Variants in ARHGAP44 observed in about 807,000 individuals in gnomAD.
The protein encoded by ARHGAP44 is rho GTPase-activating protein 44.
A neutral mutation model predicts 106.8 loss-of-function variants in ARHGAP44; 43 were observed. That is an observed-to-expected ratio of 0.40 (90% CI 0.32 to 0.52). The LOEUF is 0.52. Ranked by LOEUF, ARHGAP44 falls within the 20% of genes least tolerant of loss-of-function variation. The pLI, the probability that ARHGAP44 is intolerant of heterozygous loss-of-function variation, is 0.48. For synonymous variants in ARHGAP44, 439 were observed against 410.3 expected (o/e 1.07, Z -0.85); for missense variants, 866 against 1,050.5 (o/e 0.82, Z 2.43).
At chr17:12,980,357 T>G in intron 19 of ARHGAP44, 124 bp downstream of exon 19, 1 of 1,053,218 alleles carries the variant, frequency 9.5e-7, no homozygotes, top group Non-Finnish European at 1.4e-6. Context: ...CTAATTCCCA[T>G]CTGGACATTA....
At chr17:12,845,506 CAAA>C (rs748288660) in intron 1 of ARHGAP44, among the ~76,000 whole-genome samples, 1 of 67,926 alleles carries the variant, frequency 1.5e-5, no homozygotes. Context: ...GACTCCGTCT[CAAA>C]AAAAAAAAAA....
At chr17:12,879,686 T>C (rs929690269) in intron 1 of ARHGAP44, among the ~76,000 whole-genome samples, 1 of 66,034 alleles carries the variant, frequency 1.5e-5, no homozygotes, top group African/African-American at 4.8e-5. Flanking sequence ...TGTATGTGTA[T>C]ATATATATAT....
chr17:12,816,868 G>GC (rs201648029), intron 1 of ARHGAP44, among the ~76,000 whole-genome samples: 1,916 of 152,226 alleles, frequency 0.013, 18 homozygotes, highest in Admixed American at 0.026. Flanking sequence ...CAGAAAATTA[G>GC]CAAGGACATA....
At chr17:12,790,198 T>G in intron 1 of ARHGAP44, 1 of 374,640 alleles carries the variant, frequency 2.7e-6, no homozygotes, top group East Asian at 5.3e-5. Flanking sequence ...CGGGACTCCC[T>G]TCTCCCTCTG....
At chr17:12,950,512 G>C (rs113576773) in intron 12 of ARHGAP44, among the ~76,000 whole-genome samples, 1 of 152,188 alleles carries the variant, frequency 6.6e-6, no homozygotes, top group Non-Finnish European at 1.5e-5. Context: ...CCCACGCATG[G>C]TTTTTGAGTC....
At chr17:12,843,070 T>G (rs1344391211) in intron 1 of ARHGAP44, among the ~76,000 whole-genome samples, 1 of 151,696 alleles carries the variant, frequency 6.6e-6, no homozygotes, top group Admixed American at 6.5e-5. Flanking sequence ...AGCCCCCACA[T>G]TGTCAGCAAC....
chr17:12,937,723 G>T (rs1048885986), intron 7 of ARHGAP44, among the ~76,000 whole-genome samples: 9 of 149,482 alleles, frequency 6.0e-5, no homozygotes, highest in African/African-American at 2.3e-4. Context: ...AAAAATCAAG[G>T]TGTGATTTTC....
At chr17:12,960,576 AAAG>A (rs1453292220) in intron 16 of ARHGAP44, among the ~76,000 whole-genome samples, 1 of 152,006 alleles carries the variant, frequency 6.6e-6, no homozygotes, top group Non-Finnish European at 1.5e-5. Flanking sequence ...AAAGAAAAAA[AAAG>A]AAAGAGAGTC....
intron 10 of ARHGAP44, among the ~76,000 whole-genome samples, chr17:12,945,291 T>A (rs193144893): frequency 7.9e-5 from 12 of 152,336 alleles, no homozygotes; most frequent in African/African-American, 2.6e-4. Flanking sequence ...ATTACAGGCA[T>A]GAGCCACTGC....
At chr17:12,970,616 G>C (rs1429407917) in intron 16 of ARHGAP44, among the ~76,000 whole-genome samples, 2 of 152,186 alleles carry the variant, frequency 1.3e-5, no homozygotes, top group African/African-American at 2.4e-5. Flanking sequence ...GGAAATCTTT[G>C]CCATCTAGAT....
chr17:12,845,567 G>C (rs1375416493), intron 1 of ARHGAP44, among the ~76,000 whole-genome samples: 1 of 148,934 alleles, frequency 6.7e-6, no homozygotes, highest in Admixed American at 6.7e-5. Flanking sequence ...AACCCATAAA[G>C]ACAAGGACCT....
At chr17:12,948,751 C>CG (rs200024961) in intron 10 of ARHGAP44, among the ~76,000 whole-genome samples, 1 of 147,760 alleles carries the variant, frequency 6.8e-6, no homozygotes, top group Non-Finnish European at 1.5e-5. Flanking sequence ...CACACACACA[C>CG]CCCCTGTAGA....
intron 4 of ARHGAP44, among the ~76,000 whole-genome samples, chr17:12,914,951 G>A (rs1236697864): frequency 6.6e-6 from 1 of 152,192 alleles, no homozygotes; most frequent in Non-Finnish European, 1.5e-5. Context: ...GAGTAAAAAT[G>A]TGAAAATCTG....
At chr17:12,877,145 G>A (rs2036582065) in intron 1 of ARHGAP44, among the ~76,000 whole-genome samples, 2 of 152,178 alleles carry the variant, frequency 1.3e-5, no homozygotes, top group Non-Finnish European at 2.9e-5. Flanking sequence ...AGCAAATGCA[G>A]CAGGAAAACA....
chr17:12,970,184 T>A (rs1026885742), intron 16 of ARHGAP44, among the ~76,000 whole-genome samples: 1 of 150,838 alleles, frequency 6.6e-6, no homozygotes, highest in Non-Finnish European at 1.5e-5. Context: ...CTGGGTAACA[T>A]GGTGAAACTC....
chr17:12,919,904 G>C, intron 6 of ARHGAP44, 73 bp downstream of exon 6: 1 of 1,275,258 alleles, frequency 7.8e-7, no homozygotes, highest in Non-Finnish European at 1.1e-6. Flanking sequence ...TGGGTTTTAA[G>C]TAGGCAATTG....
At chr17:12,879,651 TTATG>T (rs955409117) in intron 1 of ARHGAP44, among the ~76,000 whole-genome samples, 98 of 149,450 alleles carry the variant, frequency 6.6e-4, no homozygotes, top group African/African-American at 2.3e-3. Flanking sequence ...CATTTATATT[TTATG>T]TATGTATAAA....
At chr17:12,985,011 G>A (rs916449197) in intron 20 of ARHGAP44, 103 bp downstream of exon 20, 2 of 1,424,642 alleles carry the variant, frequency 1.4e-6, no homozygotes, top group Non-Finnish European at 1.9e-6. Context: ...ATTCCTGCGT[G>A]CTTTGGGATG....
intron 3 of ARHGAP44, among the ~76,000 whole-genome samples, chr17:12,898,900 A>G (rs2037293041): frequency 6.6e-6 from 1 of 152,224 alleles, no homozygotes; most frequent in Admixed American, 6.5e-5. Context: ...AACTGGGAGA[A>G]GTCCGCAGTG....
Sources: allele counts gnomAD v4.1 joint callset (sites outside exome capture counted in the v4.1 genomes callset), GRCh38; gene constraint gnomAD v4.1.1; transcripts MANE v1.5; gene names NCBI Gene and HGNC (gene_info 2026-07-23, HGNC 2026-07-21).